SLC25A32: variants seen among roughly 807,000 people sequenced by gnomAD.
SLC25A32 encodes the protein Glycine auxotroph B, complementation of hamster.
Under a neutral mutation model 39.0 loss-of-function variants are expected in SLC25A32, and 32 were observed. That is an observed-to-expected ratio of 0.82 (90% CI 0.62 to 1.10). The LOEUF is 1.10. SLC25A32 is among the 50% of genes least tolerant of loss of function. The pLI is 0.00. For missense variants in SLC25A32, 367 were observed against 395.3 expected, an observed-to-expected ratio of 0.93 and a Z score of 0.61; for synonymous variants, 166 against 152.4, an observed-to-expected ratio of 1.09 and a Z score of -0.66.
intron 6 of SLC25A32, among the ~76,000 whole-genome samples, chr8:103,400,872 T>G (rs545416718): frequency 6.6e-6 from 1 of 152,236 alleles, no homozygotes; most frequent in Admixed American, 6.5e-5. Flanking sequence ...AAAAACCTCA[T>G]AGCTTGGATA....
chr8:103,412,033 T>C (rs1400205158), intron 1 of SLC25A32, among the ~76,000 whole-genome samples: 1 of 152,224 alleles, frequency 6.6e-6, no homozygotes, highest in African/African-American at 2.4e-5. Flanking sequence ...GTCACTTGAT[T>C]GCTCTGTGCC....
Position 103,414,914 on chromosome 8 carries a change from C to G in SLC25A32, c.24G>C (p.Ala8=), listed in dbSNP as rs1448848469. The G allele has an allele frequency of 1.2e-6, 2 of 1,609,224 alleles. No homozygotes were observed. Among genetic ancestry groups the G allele is most frequent in the East Asian group, 2.2e-5 (1 of 44,596 alleles). The change falls in exon 1 of 7, where the codon GCG becomes GCC. Residue 8 remains alanine (A), a synonymous_variant. Transcript: ENST00000297578. MTGQGQS[A]SGSSAWSTVF... is the part of the protein sequence containing the mutation. ...CCGTGCTCCACGCCGACGACCCGGACGCCGACTGGCCCTGGCCCGTCATAG... is the reference window on the plus strand; with the variant it reads ...CCGTGCTCCACGCCGACGACCCGGAGGCCGACTGGCCCTGGCCCGTCATAG...
chr8:103,404,594 T>C (rs1488676150), intron 3 of SLC25A32, among the ~76,000 whole-genome samples, 182 bp downstream of exon 3: 2 of 147,544 alleles, frequency 1.4e-5, no homozygotes, highest in Non-Finnish European at 3.0e-5. Context: ...AAACTCCGCC[T>C]CAAAAAAAAA....
chr8:103,399,525 A>T lies in SLC25A32; in HGVS notation c.*886T>A, dbSNP rs1265622394. 6.6e-6 allele frequency: 1 copy of T among 152,320 alleles called. No individual in the cohort carries two copies. Among genetic ancestry groups the T allele is most frequent in the Middle Eastern group, 3.4e-3 (1 of 294 alleles). 9.4% of individuals were successfully genotyped at this position (152,320 alleles called of 1,614,324 possible). On this transcript the variant is annotated 3_prime_UTR_variant, in exon 7 of 7. Coordinates refer to ENST00000297578, the MANE Select transcript of SLC25A32 (RefSeq NM_030780.5). ...TTCTCTGAGAAGTATATAGTTTCTC[A>T]ATTTTCGCTAGGTAGTGCATCCCAA... is the stretch of plus-strand genomic sequence containing the variant.
chr8:103,412,344 T>C (rs1816484643), intron 1 of SLC25A32, among the ~76,000 whole-genome samples: 1 of 152,238 alleles, frequency 6.6e-6, no homozygotes, highest in African/African-American at 2.4e-5. Context: ...GGCTTTTGGG[T>C]ATTTGAGAAA....
intron 2 of SLC25A32, 42 bp from the exon 3 acceptor site, chr8:103,404,903 C>A: frequency 1.4e-6 from 2 of 1,386,546 alleles, no homozygotes; most frequent in South Asian, 2.3e-5. Context: ...GAATAGGTGT[C>A]ATTAAGTCTG....
At chr8:103,402,321 A>C (rs1816235553) in intron 4 of SLC25A32, 1 of 239,140 alleles carries the variant, frequency 4.2e-6, no homozygotes, top group Admixed American at 5.5e-5. Flanking sequence ...CCACACTGTC[A>C]AGACTTGAGG....
At chr8:103,401,722 T>C in intron 5 of SLC25A32, 61 bp from the exon 6 acceptor site, 3 of 1,392,630 alleles carry the variant, frequency 2.2e-6, no homozygotes, top group Middle Eastern at 1.9e-4. Flanking sequence ...AATACAGAAG[T>C]AAAAATTATA....
At chr8:103,413,172 C>T (rs997829462) in intron 1 of SLC25A32, among the ~76,000 whole-genome samples, 1 of 152,162 alleles carries the variant, frequency 6.6e-6, no homozygotes, top group African/African-American at 2.4e-5. Flanking sequence ...ATTCCCTTTC[C>T]TCAGGAATGA....
chr8:103,405,730 AGCT>A (rs1160657673), intron 2 of SLC25A32, among the ~76,000 whole-genome samples: 1 of 151,868 alleles, frequency 6.6e-6, no homozygotes, highest in Non-Finnish European at 1.5e-5. Flanking sequence ...ACACAATCAT[AGCT>A]CACTGTAACC....
chr8:103,404,283 T>C (rs1208264119), intron 3 of SLC25A32, among the ~76,000 whole-genome samples: 1 of 152,192 alleles, frequency 6.6e-6, no homozygotes, highest in Non-Finnish European at 1.5e-5. Context: ...AGAGTAATCA[T>C]AATAATTTCT....
intron 1 of SLC25A32, 23 bp downstream of exon 1, chr8:103,414,761 C>T: frequency 6.2e-7 from 1 of 1,613,132 alleles, no homozygotes. Flanking sequence ...AGGATGCAGC[C>T]CGGTGTCTGG....
At chr8:103,402,290 C>G in intron 4 of SLC25A32, 1 of 357,092 alleles carries the variant, frequency 2.8e-6, no homozygotes, top group Non-Finnish European at 5.1e-6. Flanking sequence ...TTTCTTTAAA[C>G]AGTATACATA....
chr8:103,408,575 C>T (rs1586115944), intron 1 of SLC25A32, among the ~76,000 whole-genome samples: 1 of 152,094 alleles, frequency 6.6e-6, no homozygotes. Context: ...ATGGGGTAAA[C>T]TTTTTTTCCT....
At chr8:103,402,350 T>C in intron 4 of SLC25A32, 1 of 195,216 alleles carries the variant, frequency 5.1e-6, no homozygotes, top group Non-Finnish European at 1.0e-5. Flanking sequence ...GGAAACTAAA[T>C]TCTGGAAAGT....
rs905697260 is a variant in SLC25A32 at position 103,400,121 on chromosome 8, G to C, written c.*290C>G. 1 of 370,344 alleles carries C rather than the reference G, an allele frequency of 2.7e-6. No individual in the cohort carries two copies. Among genetic ancestry groups the C allele is most frequent in the South Asian group, 3.4e-5 (1 of 28,996 alleles). The allele number at this position is 370,344 out of a possible 1,614,324, so 22.9% of individuals were successfully genotyped here. On this transcript the variant is annotated 3_prime_UTR_variant, in exon 7 of 7. Transcript: ENST00000297578. The stretch of plus-strand genomic sequence containing the variant: ...TCCATTTAGCAAATGTTGCAAATCA[G>C]CTTCCACCAATAAAACGTAGAAATC...
In SLC25A32 at chr8:103,414,828, T is replaced by C; in HGVS notation, c.110A>G (p.Asn37Ser). 6.2e-7 allele frequency: 1 copy of C among 1,613,760 alleles called. No individual in the cohort carries two copies. The highest frequency in any genetic ancestry group is 8.5e-7 in the Non-Finnish European group (1 of 1,180,018). Residue 37 changes from asparagine (N) to serine (S), a missense_variant, in exon 1 of 7, where the codon AAC becomes AGC. Coordinates refer to ENST00000297578, the MANE Select transcript of SLC25A32 (RefSeq NM_030780.5). ...IAGVSGGVLS[N>S]LALHPLDLVK... ...GAGGTCGAGCGGATGCAGCGCAAGG[T>C]TGGATAAGACGCCGCCGCTCACGCC...
rs147292370 is a variant in SLC25A32, at chr8:103,413,040, C to T, written c.154+1744G>A. On this transcript the variant is annotated intron_variant, in intron 1 of 6. Transcript: ENST00000297578. ...ATTATTACAAAGTCCTGCTTCCACT[C>T]CTGGATCTTTAATTTAGGCCTCCAA... Among the ~76,000 whole-genome samples, 421 of 152,324 alleles carry T rather than the reference C, an allele frequency of 2.8e-3. 2 individuals are homozygous for T. The highest frequency in any genetic ancestry group is 4.4e-3 in the Non-Finnish European group (296 of 68,032).
chr8:103,404,917 T>C (rs1816296614), intron 2 of SLC25A32, 56 bp from the exon 3 acceptor site: 1 of 1,279,074 alleles, frequency 7.8e-7, no homozygotes, highest in Non-Finnish European at 1.1e-6. Flanking sequence ...AAGTCTGTTT[T>C]AAAGTGTATG....
Sources: allele counts gnomAD v4.1 joint callset (sites outside exome capture counted in the v4.1 genomes callset), GRCh38; gene constraint gnomAD v4.1.1; transcripts MANE v1.5; gene names NCBI Gene and HGNC (gene_info 2026-07-23, HGNC 2026-07-21).